ADNP: variants seen among roughly 807,000 people sequenced by gnomAD.
The protein encoded by ADNP is activity dependent neuroprotector homeobox, also known as activity-dependent neuroprotector homeobox protein.
Under a neutral mutation model 84.9 loss-of-function variants are expected in ADNP, and 4 were observed. The observed-to-expected ratio is 0.05, with a 90% confidence interval of 0.02 to 0.11. The LOEUF is 0.11. Ranked by LOEUF, ADNP falls within the 10% of genes least tolerant of loss-of-function variation. The pLI is 1.00. For missense variants in ADNP, 1,132 were observed against 1,326.0 expected (o/e 0.85, Z 2.27); for synonymous variants, 554 against 468.1 (o/e 1.18, Z -2.37).
chr20:50,891,822 C>G lies in ADNP; in HGVS notation c.2892G>C (p.Glu964Asp). The G allele has an allele frequency of 6.2e-7, 1 of 1,614,222 alleles. No individual in the cohort carries two copies. Among genetic ancestry groups the G allele is most frequent in the African/African-American group, 1.3e-5 (1 of 75,072 alleles). Reference sequence around the variant, plus strand: ...CAGATGGAGAAGCACCGTCTTTCCACTCAACAACATCGTCTTGGTCAACCT... The same window carrying G: ...CAGATGGAGAAGCACCGTCTTTCCAGTCAACAACATCGTCTTGGTCAACCT... ...DSEVDQDDVVEWKDGASPSES... is the reference protein window; with the variant it reads ...DSEVDQDDVVDWKDGASPSES... The change falls in exon 6 of 6, where the codon GAG becomes GAC. Residue 964 changes from glutamate (E) to aspartate (D), a missense_variant. Glu to Asp is a conservative substitution (Grantham distance 45, BLOSUM62 2). Coordinates refer to ENST00000621696, the MANE Select transcript of ADNP (RefSeq NM_001282531.3).
At chr20:50,930,222 A>C (rs988075978) in intron 1 of ADNP, among the ~76,000 whole-genome samples, 1 of 152,192 alleles carries the variant, frequency 6.6e-6, no homozygotes. Flanking sequence ...GGTGCTGACC[A>C]GGCAGCTGAG....
chr20:50,925,713 T>C (rs562906742), intron 2 of ADNP, among the ~76,000 whole-genome samples: 2 of 152,324 alleles, frequency 1.3e-5, no homozygotes, highest in Admixed American at 1.3e-4. Context: ...AAACACCGAG[T>C]TTCCAAACTA....
rs1980865169 is a variant in ADNP, at chr20:50,892,356, A to C, written c.2358T>G (p.Ile786Met). The stretch of plus-strand genomic sequence containing the variant: ...ACCATAAACTGGCTGCTAGCTTCTC[A>C]ATTTCTCTCCTGGTGGGATAGGGCT... ...NKQPYPTRRE[I>M]EKLAASLWLW... The change falls in exon 6 of 6, where the codon ATT becomes ATG. Residue 786 changes from isoleucine to methionine, a missense_variant. Ile to Met is a conservative substitution (Grantham distance 10). Coordinates refer to ENST00000621696, the MANE Select transcript of ADNP (RefSeq NM_001282531.3). 2 of 1,613,966 alleles carry C rather than the reference A, an allele frequency of 1.2e-6. No homozygotes were observed. Among genetic ancestry groups the C allele is most frequent in the Admixed American group, 3.3e-5 (2 of 59,988 alleles).
Position 50,922,506 on chromosome 20 carries a change from T to C in ADNP, c.-90+6145A>G, listed in dbSNP as rs149785344. On this transcript the variant is annotated intron_variant, in intron 2 of 5. Coordinates refer to ENST00000621696, the MANE Select transcript of ADNP (RefSeq NM_001282531.3). ...AATGCGTAAGGGCACTGGGCTTCCATACCCTCTCTGGGGGCGCCACCCTCC... is the reference window on the plus strand; with the variant it reads ...AATGCGTAAGGGCACTGGGCTTCCACACCCTCTCTGGGGGCGCCACCCTCC... Among the ~76,000 whole-genome samples, 1,282 of 151,472 alleles carry C rather than the reference T, an allele frequency of 8.5e-3. 22 individuals carry two copies. The highest frequency in any genetic ancestry group is 0.029 in the African/African-American group (1,209 of 41,188).
chr20:50,918,163 ATTCT>A (rs779141428), intron 2 of ADNP, among the ~76,000 whole-genome samples: 1 of 151,628 alleles, frequency 6.6e-6, no homozygotes, highest in Non-Finnish European at 1.5e-5. Context: ...AAATAAACAC[ATTCT>A]TTTTTTTTAA....
rs1251496455 is a variant in ADNP, at chr20:50,930,840, G to C, written c.-279C>G. 6.8e-6 allele frequency: 1 copy of C among 147,516 alleles called. No homozygotes were observed. Among genetic ancestry groups the C allele is most frequent in the African/African-American group, 2.4e-5 (1 of 40,832 alleles). The allele number at this position is 147,516 out of a possible 1,614,324, so 9.1% of individuals were successfully genotyped here. ...GCCGGGCTTACCTTGACTCGGCCTC[G>C]AGGCGCGCGCGGGGCCGGCGTGCTC... On this transcript the variant is annotated 5_prime_UTR_variant, in exon 1 of 6. Coordinates refer to ENST00000621696, the MANE Select transcript of ADNP (RefSeq NM_001282531.3).
At position 50,889,876 on chromosome 20, in the gene ADNP, G is replaced by C. The variant is rs982551918; in HGVS notation, c.*1529C>G. The C allele has an allele frequency of 5.0e-6, 2 of 398,272 alleles. No individual in the cohort carries two copies. Among genetic ancestry groups the C allele is most frequent in the African/African-American group, 4.1e-5 (2 of 48,536 alleles). 24.7% of individuals were successfully genotyped at this position (398,272 alleles called of 1,614,324 possible). ...AAAGCCTTTCCCTTAATAGCAAGAG[G>C]GCCAAGAGTGGCAAATAGAGGCAGA... On this transcript the variant is annotated 3_prime_UTR_variant, in exon 6 of 6. Transcript: ENST00000621696.
rs762781849 is a variant in ADNP, at chr20:50,901,999, G to C, written c.201+18C>G. 6.3e-7 allele frequency: 1 copy of C among 1,575,826 alleles called. No homozygotes were observed. Among genetic ancestry groups the C allele is most frequent in the South Asian group, 1.1e-5 (1 of 90,218 alleles). ...ACCAAGCATGCTGCCATCTGAGGAA[G>C]TCTCCTGTGCCACTTACCTGGTTTT... On this transcript the variant is annotated intron_variant, in intron 5 of 5. Coordinates refer to ENST00000621696, the MANE Select transcript of ADNP (RefSeq NM_001282531.3).
chr20:50,915,017 G>C (rs2122931590), intron 2 of ADNP, among the ~76,000 whole-genome samples: 1 of 151,984 alleles, frequency 6.6e-6, no homozygotes, highest in African/African-American at 2.4e-5. Context: ...AAAACGTATG[G>C]TTTTTTAAAA....
intron 2 of ADNP, among the ~76,000 whole-genome samples, chr20:50,925,053 A>G (rs1177896009): frequency 6.6e-6 from 1 of 152,302 alleles, no homozygotes; most frequent in African/African-American, 2.4e-5. Flanking sequence ...GAACCAAGGT[A>G]GGGATCAATA....
At chr20:50,909,390 A>AAAAAAAAAAAAAAAAAAC (rs1982823312) in intron 2 of ADNP, 2 of 147,110 alleles carry the variant, frequency 1.4e-5, no homozygotes, top group African/African-American at 2.6e-5. Flanking sequence ...AAAAAAAAAA[A>AAAAAAAAAAAAAAAAAAC]AAAGAAATCA....
rs1405086031 is a variant in ADNP, at chr20:50,891,201, C to A, written c.*204G>T. The A allele has an allele frequency of 7.6e-7, 1 of 1,317,518 alleles. No homozygotes were observed. Among genetic ancestry groups the A allele is most frequent in the Middle Eastern group, 2.8e-4 (1 of 3,576 alleles). 81.6% of individuals were successfully genotyped at this position (1,317,518 alleles called of 1,614,324 possible). ...CTTATTGGTTTTTCACATTTAGTTA[C>A]CGTGTCTGTCAGAGAAGGTTCTGAA... is the stretch of plus-strand genomic sequence containing the variant. On this transcript the variant is annotated 3_prime_UTR_variant, in exon 6 of 6. Coordinates refer to ENST00000621696, the MANE Select transcript of ADNP (RefSeq NM_001282531.3).
At chr20:50,895,509 C>T (rs911610048) in intron 5 of ADNP, among the ~76,000 whole-genome samples, 4 of 152,152 alleles carry the variant, frequency 2.6e-5, no homozygotes, top group Non-Finnish European at 5.9e-5. Context: ...TTACTGTACA[C>T]TACTGTAGAC....
intron 2 of ADNP, among the ~76,000 whole-genome samples, chr20:50,919,615 T>C (rs887994415): frequency 3.9e-5 from 6 of 152,150 alleles, no homozygotes; most frequent in Non-Finnish European, 8.8e-5. Flanking sequence ...ATGTATCAGA[T>C]GTGTCACAAA....
intron 2 of ADNP, among the ~76,000 whole-genome samples, chr20:50,913,194 A>G (rs952540796): frequency 7.7e-6 from 1 of 129,984 alleles, no homozygotes; most frequent in African/African-American, 2.9e-5. Context: ...TGGGGATTGC[A>G]GTGAGCAGAG....
chr20:50,916,071 T>G (rs1358664219), intron 2 of ADNP, among the ~76,000 whole-genome samples: 1 of 152,212 alleles, frequency 6.6e-6, no homozygotes, highest in Admixed American at 6.5e-5. Flanking sequence ...AAACACTGAT[T>G]TTCTTCAAGT....
chr20:50,893,019 C>T lies in ADNP; in HGVS notation c.1695G>A (p.Leu565=). 1 of 1,614,122 alleles carries T rather than the reference C, an allele frequency of 6.2e-7. No homozygotes were observed. The highest frequency in any genetic ancestry group is 8.5e-7 in the Non-Finnish European group (1 of 1,180,034). The part of the protein sequence containing the change: ...QQGSHTNIHL[L]VTTYNLRDAP... Reference sequence around the variant, plus strand: ...CATCCCTCAGATTGTATGTAGTTACCAGGAGATGGATGTTAGTGTGACTAC... The same window carrying T: ...CATCCCTCAGATTGTATGTAGTTACTAGGAGATGGATGTTAGTGTGACTAC... The change falls in exon 6 of 6, where the codon CTG becomes CTA. Residue 565 remains leucine (L), a synonymous_variant. Transcript: ENST00000621696. This position sits in a 1 kb window ranked among gnomAD's most constrained non-coding sequence, Gnocchi z 4.4.
Position 50,903,898 on chromosome 20 carries a change from T to C in ADNP, c.99A>G (p.Glu33=). The C allele has an allele frequency of 2.5e-6, 4 of 1,611,528 alleles. No individual in the cohort carries two copies. The highest frequency in any genetic ancestry group is 3.4e-6 in the Non-Finnish European group (4 of 1,178,040). ...LSDIGLEYCK[E]HIEDFKQFEP... ...ATGACATGCTACTTACTTCTATATG[T>C]TCTTTACAGTATTCCAACCCAATGT... Residue 33 remains glutamate, a synonymous_variant, in exon 4 of 6, where the codon GAA becomes GAG. Transcript: ENST00000621696.
chr20:50,891,791 C>T lies in ADNP; in HGVS notation c.2923G>A (p.Gly975Arg). 6.2e-7 allele frequency: 1 copy of T among 1,614,178 alleles called. No homozygotes were observed. The highest frequency in any genetic ancestry group is 8.5e-7 in the Non-Finnish European group (1 of 1,180,020). The change falls in exon 6 of 6, where the codon GGG becomes AGG. Residue 975 changes from glycine (G) to arginine (R), a missense_variant. Gly to Arg is a moderately radical substitution (Grantham distance 125, BLOSUM62 -2). Around this residue, in one of 10 missense-constraint regions of ADNP, gnomAD observed 381 missense variants for 319.9 expected, o/e 1.19. Coordinates refer to ENST00000621696, the MANE Select transcript of ADNP (RefSeq NM_001282531.3). ...WKDGASPSES[G>R]PGSQQVSDFE... ...TCTGACACTTGTTGGGATCCAGGCC[C>T]ACTCTCAGATGGAGAAGCACCGTCT...
Sources: gnomAD v4.1 joint callset for allele counts (sites outside exome capture counted in the v4.1 genomes callset) on GRCh38, gnomAD v4.1.1 for gene constraint, gnomAD v4.1.1 regional missense constraint, Gnocchi (gnomAD v3.1) non-coding constraint, MANE v1.5 for transcripts, NCBI Gene and HGNC (gene_info 2026-07-23, HGNC 2026-07-21) for gene names.